The following COX16 variants were observed in gnomAD, a reference collection of about 807,000 sequenced individuals.
COX16 encodes cytochrome c oxidase assembly protein COX16 homolog, mitochondrial.
Under a neutral mutation model 15.4 loss-of-function variants are expected in COX16, and 12 were observed. That is an observed-to-expected ratio of 0.78 (90% CI 0.50 to 1.26). The LOEUF (loss-of-function observed/expected upper bound fraction) is 1.26, where lower values mean the gene tolerates loss of function less well. Ranked by LOEUF, COX16 falls within the 50% of genes most tolerant of loss-of-function variation. COX16 has a pLI of 0.00. For synonymous variants in COX16, 46 were observed against 41.1 expected (o/e 1.12, Z -0.46); for missense variants, 124 against 127.6 (o/e 0.97, Z 0.14).
intron 2 of COX16, among the ~76,000 whole-genome samples, chr14:70,329,959 C>T (rs1315331609): frequency 1.3e-5 from 2 of 151,874 alleles, no homozygotes; most frequent in African/African-American, 2.4e-5. Context: ...AAGTATTTTA[C>T]AAAAGCTAGA....
intron 1 of COX16, among the ~76,000 whole-genome samples, chr14:70,348,040 A>G (rs1392087039): frequency 6.6e-6 from 1 of 152,002 alleles, no homozygotes; most frequent in African/African-American, 2.4e-5. Flanking sequence ...TTCTCCCTCT[A>G]TACCAACGAA....
chr14:70,346,032 C>G lies in COX16; in HGVS notation c.70-3303G>C, dbSNP rs1020371767. 1.2e-4 allele frequency among the ~76,000 whole-genome samples: 18 copies of G among 152,108 alleles called. No homozygotes were observed. In the East Asian group the frequency reaches 2.9e-3, roughly 24 times the overall value. ...TATTGCCTGTACCCATTCTCCTCCC[C>G]CACTGCCCTCTCCTAAAGCTTGTAA... On this transcript the variant is annotated intron_variant, in intron 1 of 3. Coordinates refer to ENST00000389912, the MANE Select transcript of COX16 (RefSeq NM_016468.7).
intron 1 of COX16, among the ~76,000 whole-genome samples, chr14:70,353,370 TTTTAA>T (rs1339723584): frequency 1.3e-5 from 2 of 149,172 alleles, no homozygotes; most frequent in Non-Finnish European, 3.0e-5. Context: ...CCTACCTTTC[TTTTAA>T]TTTAATTTAT....
intron 1 of COX16, among the ~76,000 whole-genome samples, chr14:70,348,721 C>T (rs910649072): frequency 6.6e-6 from 1 of 152,204 alleles, no homozygotes; most frequent in Non-Finnish European, 1.5e-5. Flanking sequence ...ATATAGTACA[C>T]TCACACTCGT....
chr14:70,340,859 C>T (rs544799745), intron 2 of COX16, among the ~76,000 whole-genome samples: 2 of 152,324 alleles, frequency 1.3e-5, no homozygotes, highest in South Asian at 4.1e-4. Context: ...AGAAAACTTT[C>T]TCTGATTCTC....
At chr14:70,348,530 T>C (rs1886849867) in intron 1 of COX16, among the ~76,000 whole-genome samples, 1 of 152,084 alleles carries the variant, frequency 6.6e-6, no homozygotes, top group Admixed American at 6.5e-5. Context: ...CTCCTTCCTA[T>C]GTCAAGGATG....
At position 70,325,770 on chromosome 14, in the gene COX16, T is replaced by TGTTAATGGTATCATTGTAATTA. The variant is rs1886048645; in HGVS notation, c.*541_*562dup. 1 of 152,224 alleles carries TGTTAATGGTATCATTGTAATTA rather than the reference T, an allele frequency of 6.6e-6. No homozygotes were observed. The highest frequency in any genetic ancestry group is 2.1e-4 in the South Asian group (1 of 4,828). 9.4% of individuals were successfully genotyped at this position (152,224 alleles called of 1,614,324 possible). ...CATAAATAATATAATTTCCTTGACA[T>TGTTAATGGTATCATTGTAATTA]GTTAATGGTATCATTGTAATTATCA... On this transcript the variant is annotated 3_prime_UTR_variant, in exon 4 of 4. Coordinates refer to ENST00000389912, the MANE Select transcript of COX16 (RefSeq NM_016468.7).
In COX16 at chr14:70,357,966, A is replaced by C. The variant is rs7150588; in HGVS notation, c.69+1553T>G. ...ATAAATGTTCATAGCAGCATTATTC[A>C]TAATAGTCAAAAATTGAAACAACCC... On this transcript the variant is annotated intron_variant, in intron 1 of 3. Transcript: ENST00000389912. 6.0e-3 allele frequency among the ~76,000 whole-genome samples: 915 copies of C among 152,378 alleles called. 6 individuals are homozygous for C. Among genetic ancestry groups the C allele is most frequent in the African/African-American group, 0.021 (878 of 41,586 alleles).
intron 1 of COX16, among the ~76,000 whole-genome samples, chr14:70,345,219 G>C (rs1886742210): frequency 6.6e-6 from 1 of 152,186 alleles, no homozygotes; most frequent in African/African-American, 2.4e-5. Flanking sequence ...GGCCCAGTTA[G>C]CAGGGAAAAT....
At chr14:70,345,120 G>C (rs1594920223) in intron 1 of COX16, among the ~76,000 whole-genome samples, 1 of 152,194 alleles carries the variant, frequency 6.6e-6, no homozygotes, top group Admixed American at 6.5e-5. Flanking sequence ...GGCCACAGCA[G>C]CCAGACAAAG....
intron 1 of COX16, among the ~76,000 whole-genome samples, chr14:70,357,841 C>T (rs1278856552): frequency 6.6e-6 from 1 of 152,128 alleles, no homozygotes; most frequent in African/African-American, 2.4e-5. Flanking sequence ...CTGGCACATC[C>T]TAAAAAGTTG....
chr14:70,332,623 A>T (rs975331448), intron 2 of COX16, among the ~76,000 whole-genome samples: 73 of 152,224 alleles, frequency 4.8e-4, no homozygotes, highest in African/African-American at 1.7e-3. Flanking sequence ...CTTCTACAGT[A>T]GATCCCGAGG....
chr14:70,348,450 T>C (rs1043290078), intron 1 of COX16, among the ~76,000 whole-genome samples: 3 of 152,176 alleles, frequency 2.0e-5, no homozygotes, highest in African/African-American at 7.2e-5. Flanking sequence ...CAAACCTTTC[T>C]TACACCTTTT....
At chr14:70,353,299 C>T (rs1325915874) in intron 1 of COX16, among the ~76,000 whole-genome samples, 2 of 149,286 alleles carry the variant, frequency 1.3e-5, no homozygotes, top group Non-Finnish European at 3.0e-5. Flanking sequence ...ATCTAATTAG[C>T]TTTAATCCAT....
chr14:70,339,164 T>C (rs768585389), intron 2 of COX16, among the ~76,000 whole-genome samples: 2 of 152,240 alleles, frequency 1.3e-5, no homozygotes, highest in Non-Finnish European at 2.9e-5. Flanking sequence ...AATGTACTTA[T>C]ATTGCACACT....
chr14:70,334,245 A>T (rs1016162767), intron 2 of COX16, among the ~76,000 whole-genome samples: 2 of 152,236 alleles, frequency 1.3e-5, no homozygotes, highest in Admixed American at 6.5e-5. Flanking sequence ...AATTGTGGCC[A>T]GGCGCAGTGG....
intron 1 of COX16, among the ~76,000 whole-genome samples, chr14:70,352,475 CCA>C (rs1886984397): frequency 6.6e-6 from 1 of 152,014 alleles, no homozygotes; most frequent in South Asian, 2.1e-4. Context: ...GCATGAGCCA[CCA>C]CACCCAGTGG....
intron 3 of COX16, chr14:70,328,260 GC>G (rs66621230): frequency 0.87 from 131,905 of 151,438 alleles, 57,509 homozygotes; most frequent in East Asian, 0.93. Context: ...AGGAAAGATA[GC>G]TAGCCCTTCA....
chr14:70,336,849 T>G (rs1886471422), intron 2 of COX16, among the ~76,000 whole-genome samples: 2 of 152,332 alleles, frequency 1.3e-5, no homozygotes, highest in South Asian at 4.1e-4. Context: ...TGTACAAAAT[T>G]TATCCAATAA....
Sources: allele counts gnomAD v4.1 joint callset (sites outside exome capture counted in the v4.1 genomes callset), GRCh38; gene constraint gnomAD v4.1.1; transcripts MANE v1.5; gene names NCBI Gene and HGNC (gene_info 2026-07-23, HGNC 2026-07-21).